The following BRAF variants were observed in gnomAD, a reference collection of about 807,000 sequenced individuals.
BRAF encodes B-Raf proto-oncogene, serine/threonine kinase.
BRAF carries 16 observed loss-of-function variants against 104.6 expected under a neutral mutation model. That is an observed-to-expected ratio of 0.15 (90% CI 0.10 to 0.23). The LOEUF is 0.23. Ranked by LOEUF, BRAF falls within the 10% of genes least tolerant of loss-of-function variation. The probability of loss-of-function intolerance (pLI) is 1.00; values close to 1 mark genes in which losing one functional copy is unlikely to be tolerated. For missense variants in BRAF, 541 were observed against 937.3 expected (o/e 0.58, Z 5.52); for synonymous variants, 310 against 341.6 (o/e 0.91, Z 1.02).
intron 3 of BRAF, among the ~76,000 whole-genome samples, chr7:140,819,923 T>C (rs1197236906): frequency 6.6e-6 from 1 of 152,216 alleles, no homozygotes; most frequent in Non-Finnish European, 1.5e-5. Context: ...TTTGTGAATA[T>C]ACAAAAATCA....
chr7:140,757,272 T>G (rs2129002078), intron 14 of BRAF, among the ~76,000 whole-genome samples: 1 of 152,172 alleles, frequency 6.6e-6, no homozygotes, highest in East Asian at 1.9e-4. Context: ...TACTTGTATA[T>G]TTCTCTTTTT....
At chr7:140,758,542 C>T (rs1239409629) in intron 14 of BRAF, among the ~76,000 whole-genome samples, 1 of 151,910 alleles carries the variant, frequency 6.6e-6, no homozygotes, top group Non-Finnish European at 1.5e-5. Context: ...GCAGCCTCAA[C>T]CTCCTGGGCT....
At chr7:140,889,712 G>C (rs1056344518) in intron 1 of BRAF, among the ~76,000 whole-genome samples, 7 of 152,162 alleles carry the variant, frequency 4.6e-5, no homozygotes, top group African/African-American at 1.7e-4. Context: ...GGGTACTAAG[G>C]AGATTCAAGA....
At position 140,720,039 on chromosome 7, in the gene BRAF, A is replaced by G; in HGVS notation, c.*6455T>C. Reference sequence around the variant, plus strand: ...TCCTCAAACCAAGGAATACATGAAAAGGGGGGATTTCCTTTTTCTTGGTCT... The same window carrying G: ...TCCTCAAACCAAGGAATACATGAAAGGGGGGGATTTCCTTTTTCTTGGTCT... On this transcript the variant is annotated 3_prime_UTR_variant, in exon 20 of 20. Transcript: ENST00000644969. The G allele has an allele frequency of 9.4e-7, 1 of 1,061,488 alleles. No homozygotes were observed. Among genetic ancestry groups the G allele is most frequent in the Non-Finnish European group, 1.1e-6 (1 of 876,876 alleles). The allele number at this position is 1,061,488 out of a possible 1,614,324, so 65.8% of individuals were successfully genotyped here.
chr7:140,779,514 T>TA (rs778424431), intron 12 of BRAF, among the ~76,000 whole-genome samples: 1 of 152,226 alleles, frequency 6.6e-6, no homozygotes, highest in Non-Finnish European at 1.5e-5. Flanking sequence ...TGATTATACT[T>TA]ACCAGTTTAA....
intron 14 of BRAF, among the ~76,000 whole-genome samples, chr7:140,758,889 C>T (rs541073405): frequency 4.6e-5 from 7 of 152,286 alleles, no homozygotes; most frequent in East Asian, 1.9e-4. Context: ...AAAGAATATC[C>T]GTCACCCCAG....
intron 3 of BRAF, among the ~76,000 whole-genome samples, chr7:140,812,220 G>A (rs1236970866): frequency 6.6e-6 from 1 of 151,490 alleles, no homozygotes; most frequent in Non-Finnish European, 1.5e-5. Context: ...GAGAGAGAAA[G>A]ACTTCTGAGA....
At chr7:140,863,329 A>C (rs1389140669) in intron 1 of BRAF, among the ~76,000 whole-genome samples, 1 of 152,244 alleles carries the variant, frequency 6.6e-6, no homozygotes, top group Non-Finnish European at 1.5e-5. Flanking sequence ...TAGAAAGTTA[A>C]AGATAGTGAC....
chr7:140,828,097 T>C (rs1360612004), intron 3 of BRAF, among the ~76,000 whole-genome samples: 1 of 152,076 alleles, frequency 6.6e-6, no homozygotes, highest in Non-Finnish European at 1.5e-5. Context: ...GGTTTCACCA[T>C]GTTGGCCAGG....
downstream of BRAF, among the ~76,000 whole-genome samples, chr7:140,717,105 G>A (rs1795146594): frequency 1.3e-5 from 2 of 152,200 alleles, no homozygotes; most frequent in Admixed American, 1.3e-4. Flanking sequence ...CACTGTCATG[G>A]AGTCAATACC....
At chr7:140,772,702 C>CA (rs1258880706) in intron 14 of BRAF, among the ~76,000 whole-genome samples, 5 of 152,066 alleles carry the variant, frequency 3.3e-5, no homozygotes, top group Admixed American at 2.6e-4. Context: ...ATATCCACTT[C>CA]AAGACTCACT....
intron 14 of BRAF, among the ~76,000 whole-genome samples, chr7:140,760,054 T>A (rs1486954223): frequency 5.3e-5 from 8 of 152,186 alleles, no homozygotes; most frequent in Admixed American, 1.3e-4. Flanking sequence ...TCAAATAAAC[T>A]GTGGACTGAG....
intron 3 of BRAF, among the ~76,000 whole-genome samples, chr7:140,818,759 T>G (rs993532141): frequency 6.6e-6 from 1 of 152,200 alleles, no homozygotes; most frequent in Admixed American, 6.5e-5. Flanking sequence ...TTAAGTATGG[T>G]TTTCATTTAG....
At chr7:140,850,382 T>C (rs139889865) in intron 1 of BRAF, among the ~76,000 whole-genome samples, 170 bp from the exon 2 acceptor site, 21 of 152,312 alleles carry the variant, frequency 1.4e-4, no homozygotes, top group African/African-American at 5.1e-4. Context: ...TCTTTAAATT[T>C]TTTTCTACAC....
intron 1 of BRAF, among the ~76,000 whole-genome samples, chr7:140,901,560 A>G (rs1167782336): frequency 6.6e-6 from 1 of 152,200 alleles, no homozygotes; most frequent in East Asian, 1.9e-4. Context: ...TTGCATTTGG[A>G]TTTCAATAAA....
In BRAF at chr7:140,793,315, C is replaced by T. The variant is rs865891134; in HGVS notation, c.1140+993G>A. The stretch of plus-strand genomic sequence containing the variant: ...GTTTGATTTCTTATATCACATTCTC[C>T]TTTTCCCCTTTCTTCCTTTGTTTTT... On this transcript the variant is annotated intron_variant, in intron 8 of 19. Transcript: ENST00000644969. Among the ~76,000 whole-genome samples, 28 of 152,272 alleles carry T rather than the reference C, an allele frequency of 1.8e-4. 1 individual carries two copies. The Middle Eastern group carries it at 0.01, about 55-fold the overall frequency.
At chr7:140,881,201 T>C (rs1812866040) in intron 1 of BRAF, among the ~76,000 whole-genome samples, 1 of 152,110 alleles carries the variant, frequency 6.6e-6, no homozygotes, top group Non-Finnish European at 1.5e-5. Context: ...ACAGAGTAAA[T>C]TTTGCAGAAT....
At chr7:140,799,620 C>G (rs1471278478) in intron 7 of BRAF, 2 of 232,396 alleles carry the variant, frequency 8.6e-6, no homozygotes. Flanking sequence ...TCCCTAGGCC[C>G]GTTCAGATTG....
rs71659759 is a variant in BRAF at position 140,874,532 on chromosome 7, TAAA to T, written c.139-24323_139-24321del. On this transcript the variant is annotated intron_variant, in intron 1 of 19. Coordinates refer to ENST00000644969, the MANE Select transcript of BRAF (RefSeq NM_001374258.1). Reference sequence around the variant, plus strand: ...AGTTTACTTTTTAAAAGAAAAAAAGTAAAAAAAAAAAAAAAAAAAGGCAAAGAA... The same window carrying T: ...AGTTTACTTTTTAAAAGAAAAAAAGTAAAAAAAAAAAAAAAAGGCAAAGAA... 2.1e-4 allele frequency among the ~76,000 whole-genome samples: 17 copies of T among 80,904 alleles called. No homozygotes were observed. In the South Asian group the frequency reaches 2.3e-3, roughly 11 times the overall value. 53.1% of individuals were successfully genotyped at this position (80,904 alleles called of 152,430 possible).
Sources: allele counts gnomAD v4.1 joint callset (sites outside exome capture counted in the v4.1 genomes callset), GRCh38; gene constraint gnomAD v4.1.1; transcripts MANE v1.5; gene names NCBI Gene and HGNC (gene_info 2026-07-23, HGNC 2026-07-21).